UBXN11: variants seen among roughly 807,000 people sequenced by gnomAD.
UBXN11 encodes UBX domain protein 11, also known as UBX domain-containing protein 11.
In UBXN11, 47 loss-of-function variants were observed where a neutral mutation model predicts 62.8. The observed-to-expected ratio is 0.75, with a 90% confidence interval of 0.59 to 0.95. UBXN11 has a LOEUF of 0.95. Ranked by LOEUF, UBXN11 falls within the 40% of genes least tolerant of loss-of-function variation. UBXN11 has a pLI of 0.00. For missense variants in UBXN11, 638 were observed against 661.7 expected, an observed-to-expected ratio of 0.96 and a Z score of 0.39; for synonymous variants, 294 against 267.0, an observed-to-expected ratio of 1.10 and a Z score of -0.99.
chr1:26,285,786 G>A, intron 9 of UBXN11, 37 bp downstream of exon 9: 2 of 1,562,590 alleles, frequency 1.3e-6, no homozygotes, highest in East Asian at 2.3e-5. Flanking sequence ...GGGCAGCAGG[G>A]GCACTAGAGC....
upstream of UBXN11, chr1:26,306,832 G>GGGGGGGGGGGGT (rs2073680664): frequency 2.4e-5 from 2 of 84,568 alleles, 1 homozygote; most frequent in Non-Finnish European, 5.3e-5. Context: ...GGCGGGGTGG[G>GGGGGGGGGGGGT]GGGGGGGGGT....
At chr1:26,304,830 G>A (rs1175323886) in intron 1 of UBXN11, among the ~76,000 whole-genome samples, 1 of 151,694 alleles carries the variant, frequency 6.6e-6, no homozygotes. Context: ...CCATCTTGCC[G>A]CCTCCCACAC....
chr1:26,291,301 G>A (rs955512810), intron 8 of UBXN11, among the ~76,000 whole-genome samples: 14 of 152,174 alleles, frequency 9.2e-5, no homozygotes, highest in African/African-American at 3.1e-4. Flanking sequence ...CCGGAGAGAT[G>A]TCCCAGGAAC....
intron 10 of UBXN11, chr1:26,285,050 A>G (rs975677941): frequency 9.9e-6 from 10 of 1,012,970 alleles, no homozygotes; most frequent in Non-Finnish European, 8.3e-6. Context: ...GGCCAGCTCT[A>G]CCTCATGTCT....
At chr1:26,294,457 G>A in intron 7 of UBXN11, 126 bp from the exon 8 acceptor site, 4 of 1,377,196 alleles carry the variant, frequency 2.9e-6, no homozygotes, top group Non-Finnish European at 2.9e-6. Context: ...ACCAGACAAA[G>A]GGATGAGTAG....
chr1:26,314,291 C>G (rs1294646595), intron 1 of UBXN11, among the ~76,000 whole-genome samples: 1 of 152,124 alleles, frequency 6.6e-6, no homozygotes, highest in East Asian at 1.9e-4. Flanking sequence ...CCTGTTTACT[C>G]TCACTCCCCG....
chr1:26,288,533 C>A (rs960324920), intron 8 of UBXN11, among the ~76,000 whole-genome samples: 1 of 152,144 alleles, frequency 6.6e-6, no homozygotes, highest in African/African-American at 2.4e-5. Context: ...AGTGAGCCCC[C>A]ACCACCCCAC....
chr1:26,299,848 G>A (rs993413366), intron 4 of UBXN11, among the ~76,000 whole-genome samples: 4 of 152,032 alleles, frequency 2.6e-5, no homozygotes, highest in African/African-American at 9.7e-5. Flanking sequence ...AAAGTGACCT[G>A]GCTGGGTATG....
chr1:26,316,647 C>A (rs2073797794), intron 1 of UBXN11, among the ~76,000 whole-genome samples: 1 of 152,116 alleles, frequency 6.6e-6, no homozygotes, highest in Non-Finnish European at 1.5e-5. Context: ...AACATCTAAG[C>A]CTCAGTTTTT....
chr1:26,297,321 GCTTGATGCT>G lies in UBXN11; in HGVS notation c.355+97_355+105del, dbSNP rs1452482944. On this transcript the variant is annotated intron_variant, in intron 6 of 14. Coordinates refer to ENST00000374222, the MANE Select transcript of UBXN11 (RefSeq NM_001389556.1). Reference sequence around the variant, plus strand: ...CTGTCCAGACCCCACCAAGTAGTCAGCTTGATGCTCTTGATGCCAGAAGCCATTGTGAAG... The same window carrying G: ...CTGTCCAGACCCCACCAAGTAGTCAGCTTGATGCCAGAAGCCATTGTGAAG... 4.5e-6 allele frequency: 6 copies of G among 1,335,848 alleles called. No homozygotes were observed. In the Admixed American group the frequency reaches 1.7e-4, roughly 37 times the overall value. 82.7% of individuals were successfully genotyped at this position (1,335,848 alleles called of 1,614,324 possible).
intron 10 of UBXN11, 52 bp from the exon 11 acceptor site, chr1:26,284,534 G>A (rs2073080942): frequency 1.3e-6 from 2 of 1,535,266 alleles, no homozygotes; most frequent in Non-Finnish European, 8.8e-7. Flanking sequence ...TTCAGCCCTT[G>A]GCCCCACTTT....
In UBXN11 at chr1:26,282,370, C is replaced by CGGGACCGGGACTGGGGCCGGGACA; in HGVS notation, c.1491_1492insTGTCCCGGCCCCAGTCCCGGTCCC (p.Pro497_Gly498insCysProGlyProSerProGlyPro). 2.3e-6 allele frequency: 1 copy of CGGGACCGGGACTGGGGCCGGGACA among 438,578 alleles called. No homozygotes were observed. The highest frequency in any genetic ancestry group is 3.1e-6 in the Non-Finnish European group (1 of 318,148). 27.2% of individuals were successfully genotyped at this position (438,578 alleles called of 1,614,324 possible). A position where few individuals can be genotyped will look rare whatever the true frequency, so the allele number is the denominator to read the frequency against. ...CCGGGACCGGGACTGGGGCCGGGAC[C>CGGGACCGGGACTGGGGCCGGGACA]GGGACCGGGACTGGGGCCGGGACCG... On this transcript the variant is annotated inframe_insertion, in exon 15 of 15. Coordinates refer to ENST00000374222, the MANE Select transcript of UBXN11 (RefSeq NM_001389556.1).
chr1:26,297,289 G>T, intron 6 of UBXN11, 138 bp downstream of exon 6: 1 of 1,055,168 alleles, frequency 9.5e-7, no homozygotes, highest in Non-Finnish European at 1.3e-6. Context: ...CCCCTCTGTG[G>T]GCTCAGCTGT....
At chr1:26,315,089 A>G (rs374867276) in intron 1 of UBXN11, among the ~76,000 whole-genome samples, 27 of 151,548 alleles carry the variant, frequency 1.8e-4, no homozygotes, top group East Asian at 1.2e-3. Flanking sequence ...ACTCGAGGGG[A>G]AAAAAAAAGA....
rs1373504988 is a variant in UBXN11, at chr1:26,297,440, G to T, written c.342C>A (p.Leu114=). 1.3e-6 allele frequency: 2 copies of T among 1,553,396 alleles called. No individual in the cohort carries two copies. Among genetic ancestry groups the T allele is most frequent in the South Asian group, 1.2e-5 (1 of 84,216 alleles). The part of the protein sequence containing the change: ...IAALEDLVQT[L]RPHPAEATLQ... ...AGAGCCCCCTACCTGGGTGTGGCCG[G>T]AGGGTCTGCACCAGGTCCTCTAGGG... Residue 114 remains leucine, a synonymous_variant, in exon 6 of 15, where the codon CTC becomes CTA. Transcript: ENST00000374222.
intron 8 of UBXN11, among the ~76,000 whole-genome samples, chr1:26,288,853 C>T (rs951902716): frequency 2.6e-5 from 4 of 152,184 alleles, no homozygotes; most frequent in South Asian, 2.1e-4. Flanking sequence ...TGAGCTGTCA[C>T]GCCCCAGATC....
At position 26,296,986 on chromosome 1, in the gene UBXN11, G is replaced by T; in HGVS notation, c.365C>A (p.Thr122Asn). ...QTLRPHPAEA[T>N]LQRQEELETM... is the part of the protein sequence containing the mutation. ...CTCCAGTTCCTCCTGCCGCTGCAGG[G>T]TTGCCTCGGCTTCAGGGAAAGACAG... The change falls in exon 7 of 15, where the codon ACC (threonine) becomes AAC (asparagine). Residue 122 changes from threonine to asparagine, a missense_variant. By Grantham distance (65) the Thr-to-Asn change is moderately conservative. Coordinates refer to ENST00000374222, the MANE Select transcript of UBXN11 (RefSeq NM_001389556.1). 6.2e-7 allele frequency: 1 copy of T among 1,602,758 alleles called. No individual in the cohort carries two copies. The highest frequency in any genetic ancestry group is 8.5e-7 in the Non-Finnish European group (1 of 1,174,312).
At chr1:26,286,991 G>A (rs906747168) in intron 8 of UBXN11, among the ~76,000 whole-genome samples, 4 of 152,112 alleles carry the variant, frequency 2.6e-5, no homozygotes, top group Admixed American at 6.6e-5. Flanking sequence ...GAGCCACCAC[G>A]CCAGGCTGAG....
At chr1:26,317,655 C>T (rs2073810976) in intron 1 of UBXN11, among the ~76,000 whole-genome samples, 1 of 152,128 alleles carries the variant, frequency 6.6e-6, no homozygotes, top group South Asian at 2.1e-4. Flanking sequence ...GAGTTTCTGG[C>T]CCAGGGTCTC....
Sources: allele counts gnomAD v4.1 joint callset (sites outside exome capture counted in the v4.1 genomes callset), GRCh38; gene constraint gnomAD v4.1.1; transcripts MANE v1.5; gene names NCBI Gene and HGNC (gene_info 2026-07-23, HGNC 2026-07-21).